The following CDH18 variants were observed in gnomAD, a reference collection of about 807,000 sequenced individuals.
The protein encoded by CDH18 is cadherin-18.
A neutral mutation model predicts 67.9 loss-of-function variants in CDH18; 31 were observed. That is an observed-to-expected ratio of 0.46 (90% confidence interval 0.34 to 0.62). The LOEUF is 0.62. Among genes scored for constraint, CDH18 ranks in the 20% least tolerant of loss-of-function variants. The pLI is 0.01. For missense variants in CDH18, 890 were observed against 975.5 expected (o/e 0.91, Z 1.17); for synonymous variants, 362 against 347.2 (o/e 1.04, Z -0.48).
intron 3 of CDH18, among the ~76,000 whole-genome samples, chr5:19,782,146 G>A (rs902059614): frequency 2.0e-5 from 3 of 152,084 alleles, no homozygotes; most frequent in Admixed American, 1.3e-4. Context: ...AAGGAAAGAC[G>A]TTTAATTTAC....
At chr5:20,252,558 T>C (rs1195640036) in intron 2 of CDH18, among the ~76,000 whole-genome samples, 1 of 152,134 alleles carries the variant, frequency 6.6e-6, no homozygotes. Context: ...TCTCTACATT[T>C]GAACTACAAC....
At chr5:20,103,794 T>C (rs950408862) in intron 2 of CDH18, among the ~76,000 whole-genome samples, 2 of 93,064 alleles carry the variant, frequency 2.1e-5, no homozygotes, top group Admixed American at 2.9e-4. Context: ...AATGGAGCTA[T>C]GTACATAGAA....
chr5:19,561,737 T>C (rs1399025807), intron 8 of CDH18, among the ~76,000 whole-genome samples: 1 of 152,090 alleles, frequency 6.6e-6, no homozygotes, highest in East Asian at 1.9e-4. Flanking sequence ...GGGGAAAAAA[T>C]CATTTTATAT....
chr5:20,058,746 T>C (rs957533948), intron 2 of CDH18, among the ~76,000 whole-genome samples: 9 of 152,206 alleles, frequency 5.9e-5, no homozygotes, highest in African/African-American at 2.2e-4. Context: ...GTTTGTCTCA[T>C]TAGCTTTTAT....
intron 2 of CDH18, among the ~76,000 whole-genome samples, chr5:20,228,601 T>C (rs1741823109): frequency 6.6e-6 from 1 of 152,096 alleles, no homozygotes; most frequent in South Asian, 2.1e-4. Flanking sequence ...TTTTGTGTTC[T>C]ATGACCAACA....
chr5:20,029,050 A>C (rs1173831310), intron 2 of CDH18, among the ~76,000 whole-genome samples: 1 of 151,740 alleles, frequency 6.6e-6, no homozygotes, highest in Non-Finnish European at 1.5e-5. Context: ...AAGGATCCAA[A>C]GCAACAGACA....
chr5:19,763,980 C>T (rs1325458000), intron 3 of CDH18, among the ~76,000 whole-genome samples: 2 of 109,820 alleles, frequency 1.8e-5, no homozygotes, highest in Non-Finnish European at 3.5e-5. Context: ...GAAACCTCGT[C>T]TCTACTAAAA....
chr5:19,758,820 G>A (rs997658768), intron 3 of CDH18, among the ~76,000 whole-genome samples: 2 of 152,168 alleles, frequency 1.3e-5, no homozygotes, highest in Admixed American at 6.6e-5. Context: ...CCTCTGGCAC[G>A]CAAATGTCTC....
chr5:20,488,325 C>T lies in CDH18; in HGVS notation c.-580+87137G>A, dbSNP rs1477842762. Among the ~76,000 whole-genome samples, 6 of 151,916 alleles carry T rather than the reference C, an allele frequency of 3.9e-5. No homozygotes were observed. In the South Asian group the frequency reaches 1.2e-3, roughly 32 times the overall value. Reference sequence around the variant, plus strand: ...AAGTTAAAAATGCTTTAAAAAGAAACAGTTGAAGGATTTTCACGTACCCTT... The same window carrying T: ...AAGTTAAAAATGCTTTAAAAAGAAATAGTTGAAGGATTTTCACGTACCCTT... On this transcript the variant is annotated intron_variant, in intron 1 of 14. Coordinates refer to the CDH18 transcript ENST00000507958.
chr5:20,559,569 G>A (rs969340073), intron 1 of CDH18, among the ~76,000 whole-genome samples: 2 of 151,838 alleles, frequency 1.3e-5, no homozygotes, highest in Non-Finnish European at 2.9e-5. Context: ...CTTAGTATGC[G>A]CTCAAAAAGA....
chr5:20,000,444 C>G (rs1252732429), intron 2 of CDH18, among the ~76,000 whole-genome samples: 1 of 152,094 alleles, frequency 6.6e-6, no homozygotes, highest in Non-Finnish European at 1.5e-5. Context: ...AGTTTTATAG[C>G]TTGATCCTGG....
intron 5 of CDH18, among the ~76,000 whole-genome samples, chr5:19,631,925 C>T (rs961334592): frequency 2.6e-5 from 4 of 151,854 alleles, no homozygotes; most frequent in East Asian, 3.9e-4. Context: ...TGATTTATTT[C>T]GGTCATACAG....
At chr5:19,832,411 T>C (rs1291081952) in intron 3 of CDH18, among the ~76,000 whole-genome samples, 1 of 152,100 alleles carries the variant, frequency 6.6e-6, no homozygotes, top group Non-Finnish European at 1.5e-5. Flanking sequence ...AGAACTGCAT[T>C]TTATGAGCAT....
intron 2 of CDH18, among the ~76,000 whole-genome samples, chr5:19,935,822 C>CTG (rs1280733886): frequency 6.7e-6 from 1 of 150,018 alleles, no homozygotes; most frequent in Admixed American, 6.7e-5. Flanking sequence ...CTCTCTCTCT[C>CTG]TCTCTCACTC....
At chr5:19,933,305 T>C (rs1047563507) in intron 2 of CDH18, among the ~76,000 whole-genome samples, 6 of 151,570 alleles carry the variant, frequency 4.0e-5, no homozygotes, top group African/African-American at 1.4e-4. Context: ...CCAGTAGACA[T>C]ATCTGTGCTC....
At chr5:19,985,746 A>G (rs1372986595) in intron 1 of CDH18, among the ~76,000 whole-genome samples, 1 of 152,160 alleles carries the variant, frequency 6.6e-6, no homozygotes, top group Non-Finnish European at 1.5e-5. Context: ...TAATTAAAAA[A>G]AAAAGAAAGA....
At chr5:19,565,115 G>A (rs1740147741) in intron 8 of CDH18, among the ~76,000 whole-genome samples, 1 of 152,112 alleles carries the variant, frequency 6.6e-6, no homozygotes, top group African/African-American at 2.4e-5. Flanking sequence ...TGTGGAACAT[G>A]AGAGGCAACA....
intron 2 of CDH18, among the ~76,000 whole-genome samples, chr5:20,037,237 T>G (rs1451057182): frequency 6.6e-6 from 1 of 152,106 alleles, no homozygotes; most frequent in Non-Finnish European, 1.5e-5. Context: ...TGGTATGTTT[T>G]TACAGCAGCT....
intron 7 of CDH18, among the ~76,000 whole-genome samples, chr5:19,572,425 C>CT (rs927372365): frequency 8.5e-5 from 13 of 152,070 alleles, no homozygotes; most frequent in Admixed American, 5.2e-4. Flanking sequence ...CTCAAAGTGT[C>CT]TTTTTTTGGC....
Sources: gnomAD v4.1 joint callset for allele counts (sites outside exome capture counted in the v4.1 genomes callset) on GRCh38, gnomAD v4.1.1 for gene constraint, MANE v1.5 for transcripts, NCBI Gene and HGNC (gene_info 2026-07-23, HGNC 2026-07-21) for gene names.